Variants in LRRC4C observed in about 807,000 individuals in gnomAD.
The protein encoded by LRRC4C is leucine-rich repeat-containing protein 4C.
LRRC4C carries 5 observed loss-of-function variants against 33.6 expected under a neutral mutation model. That is an observed-to-expected ratio of 0.15 (90% CI 0.08 to 0.31). LRRC4C has a LOEUF of 0.31. LRRC4C is among the 10% of genes least tolerant of loss of function. LRRC4C has a pLI of 1.00. For synonymous variants in LRRC4C, 329 were observed against 302.0 expected (o/e 1.09, Z -0.93); for missense variants, 560 against 796.7 (o/e 0.70, Z 3.58).
rs545320520 is a variant in LRRC4C, at chr11:41,188,785, G to A, written c.-495-255062C>T. On this transcript the variant is annotated intron_variant, in intron 1 of 6. Coordinates refer to ENST00000528697, the MANE Select transcript of LRRC4C (RefSeq NM_001258419.2). ...GTTTCTAAAATGTATTAGCTGTTTG[G>A]TTTTGGGCAGGTTATCTCTAAGCTT... Among the ~76,000 whole-genome samples the A allele has an allele frequency of 1.9e-4, 28 of 151,134 alleles. 1 individual carries two copies. Among genetic ancestry groups the A allele is most frequent in the South Asian group, 1.5e-3 (7 of 4,780 alleles).
intron 1 of LRRC4C, among the ~76,000 whole-genome samples, chr11:41,034,607 GTATATATATATATA>G (rs59350888): frequency 1.5e-4 from 15 of 97,040 alleles, no homozygotes; most frequent in African/African-American, 4.9e-4. Context: ...ATATGGTGAC[GTATATATATATATA>G]TATATATATA....
At chr11:40,713,274 C>G (rs534005360) in intron 2 of LRRC4C, among the ~76,000 whole-genome samples, 1 of 152,248 alleles carries the variant, frequency 6.6e-6, no homozygotes, top group South Asian at 2.1e-4. Context: ...CTAGATGACT[C>G]TTAAGCAATA....
At chr11:40,640,881 T>C (rs913801299) in intron 3 of LRRC4C, among the ~76,000 whole-genome samples, 2 of 151,750 alleles carry the variant, frequency 1.3e-5, no homozygotes, top group African/African-American at 4.8e-5. Context: ...CCGGGCGTGG[T>C]GGCGGGCGCC....
At chr11:41,348,229 GT>G (rs1951861563) in intron 1 of LRRC4C, among the ~76,000 whole-genome samples, 1 of 152,072 alleles carries the variant, frequency 6.6e-6, no homozygotes, top group Admixed American at 6.6e-5. Context: ...CTGCTTCTAG[GT>G]AAATGTCTAT....
chr11:40,784,918 A>C (rs1950349078), intron 2 of LRRC4C, among the ~76,000 whole-genome samples: 1 of 152,184 alleles, frequency 6.6e-6, no homozygotes, highest in Non-Finnish European at 1.5e-5. Flanking sequence ...AAAAGTATTA[A>C]TAGAAAGGGA....
intron 1 of LRRC4C, among the ~76,000 whole-genome samples, chr11:41,394,406 C>A (rs1022930135): frequency 6.6e-6 from 1 of 151,866 alleles, no homozygotes; most frequent in African/African-American, 2.4e-5. Flanking sequence ...TCAGATGCGC[C>A]TCCCTGCAGA....
At chr11:40,334,525 A>G (rs941371612) in intron 3 of LRRC4C, among the ~76,000 whole-genome samples, 6 of 152,202 alleles carry the variant, frequency 3.9e-5, no homozygotes, top group African/African-American at 1.4e-4. Flanking sequence ...TCTACCTTCT[A>G]TCTCATTAGG....
intron 1 of LRRC4C, among the ~76,000 whole-genome samples, chr11:40,990,932 G>A (rs1268578845): frequency 6.6e-6 from 1 of 151,794 alleles, no homozygotes; most frequent in African/African-American, 2.4e-5. Flanking sequence ...AAAAAAAATT[G>A]TACAGTTGAT....
chr11:41,046,118 A>AT (rs773592612), intron 1 of LRRC4C, among the ~76,000 whole-genome samples: 24 of 152,112 alleles, frequency 1.6e-4, no homozygotes, highest in Non-Finnish European at 2.9e-4. Flanking sequence ...TGTATGCTTA[A>AT]TTTTTTCTTC....
At chr11:40,708,158 T>G (rs1406118434) in intron 2 of LRRC4C, among the ~76,000 whole-genome samples, 2 of 152,112 alleles carry the variant, frequency 1.3e-5, no homozygotes, top group East Asian at 3.9e-4. Context: ...TTTCAAAAAA[T>G]CAACTCCTGG....
intron 2 of LRRC4C, among the ~76,000 whole-genome samples, chr11:40,755,177 T>A (rs537049899): frequency 6.6e-6 from 1 of 152,146 alleles, no homozygotes; most frequent in Non-Finnish European, 1.5e-5. Context: ...ATTCTACTAC[T>A]GCTCGAAGTA....
In LRRC4C at chr11:41,353,820, C is replaced by T. The variant is rs140669489; in HGVS notation, c.-496+105611G>A. On this transcript the variant is annotated intron_variant, in intron 1 of 6. Transcript: ENST00000528697. The stretch of plus-strand genomic sequence containing the variant: ...TAACTCTTTCAATAAAATTCAACAT[C>T]CCTTCATGTTAAAAAACAAAACAAC... Among the ~76,000 whole-genome samples the T allele has an allele frequency of 6.4e-3, 980 of 152,150 alleles. 3 individuals carry two copies. Among genetic ancestry groups the T allele is most frequent in the South Asian group, 0.012 (59 of 4,826 alleles).
intron 3 of LRRC4C, among the ~76,000 whole-genome samples, chr11:40,432,822 C>T (rs943462887): frequency 6.6e-6 from 1 of 152,148 alleles, no homozygotes; most frequent in Non-Finnish European, 1.5e-5. Flanking sequence ...AAACAATGAC[C>T]AACCCATAAA....
chr11:40,720,195 A>C (rs1946943590), intron 2 of LRRC4C, among the ~76,000 whole-genome samples: 1 of 152,178 alleles, frequency 6.6e-6, no homozygotes, highest in African/African-American at 2.4e-5. Context: ...ACTTCATGAA[A>C]GATCACACAT....
intron 1 of LRRC4C, among the ~76,000 whole-genome samples, chr11:40,956,891 G>C (rs16935203): frequency 0.063 from 9,616 of 151,750 alleles, 432 homozygotes; most frequent in South Asian, 0.18. Context: ...AAAAAGAAGA[G>C]TTTAATTGGA....
At chr11:41,410,278 C>T (rs1323107396) in intron 1 of LRRC4C, among the ~76,000 whole-genome samples, 1 of 152,186 alleles carries the variant, frequency 6.6e-6, no homozygotes, top group African/African-American at 2.4e-5. Context: ...CCTTCAGCAG[C>T]TCATCACATT....
At chr11:40,297,166 A>G (rs1168854927) in intron 4 of LRRC4C, among the ~76,000 whole-genome samples, 1 of 152,200 alleles carries the variant, frequency 6.6e-6, no homozygotes, top group Non-Finnish European at 1.5e-5. Flanking sequence ...AAAAAAGTGA[A>G]TGTGTCTATT....
At chr11:40,600,990 C>T (rs920783052) in intron 3 of LRRC4C, among the ~76,000 whole-genome samples, 7 of 152,152 alleles carry the variant, frequency 4.6e-5, no homozygotes, top group African/African-American at 1.4e-4. Context: ...CCTGTATAGA[C>T]CTGTTAACTG....
intron 1 of LRRC4C, among the ~76,000 whole-genome samples, chr11:41,119,250 T>C (rs1487952145): frequency 3.3e-5 from 5 of 152,282 alleles, no homozygotes; most frequent in Middle Eastern, 3.4e-3. Context: ...AATTTTCATT[T>C]TCCAGTATGT....
Sources: allele counts gnomAD v4.1 joint callset (sites outside exome capture counted in the v4.1 genomes callset), GRCh38; gene constraint gnomAD v4.1.1; transcripts MANE v1.5; gene names NCBI Gene and HGNC (gene_info 2026-07-23, HGNC 2026-07-21).